The following SOAT1 variants were observed in gnomAD, a reference collection of about 807,000 sequenced individuals.
SOAT1 encodes the protein sterol O-acyltransferase 1, also known as acyl-coenzyme A:cholesterol acyltransferase 1.
Under a neutral mutation model 69.5 loss-of-function variants are expected in SOAT1, and 55 were observed. That is an observed-to-expected ratio of 0.79 (90% CI 0.64 to 0.99). The LOEUF is 0.99. Ranked by LOEUF, SOAT1 falls within the 50% of genes least tolerant of loss-of-function variation. The probability of loss-of-function intolerance (pLI) is 0.00; values close to 1 mark genes in which losing one functional copy is unlikely to be tolerated. For synonymous variants in SOAT1, 231 were observed against 224.7 expected, an observed-to-expected ratio of 1.03 and a Z score of -0.25; for missense variants, 580 against 669.3, an observed-to-expected ratio of 0.87 and a Z score of 1.47.
Position 179,353,214 on chromosome 1 carries a change from T to TATATAA in SOAT1, c.1597-366_1597-365insAATATA, listed in dbSNP as rs1309874954. On this transcript the variant is annotated intron_variant, in intron 15 of 15. Coordinates refer to ENST00000367619, the MANE Select transcript of SOAT1 (RefSeq NM_003101.6). ...TAAATGGTGGTTATATATAAATATA[T>TATATAA]ATATATATATCTATTTGTCGTCCTT... is the stretch of plus-strand genomic sequence containing the variant. 7.6e-3 allele frequency among the ~76,000 whole-genome samples: 899 copies of TATATAA among 118,134 alleles called. 139 individuals carry two copies. Among genetic ancestry groups the TATATAA allele is most frequent in the African/African-American group, 0.027 (861 of 31,436 alleles). The allele number at this position is 118,134 out of a possible 152,430, so 77.5% of individuals were successfully genotyped here.
At chr1:179,305,428 T>G (rs1253563036) in intron 2 of SOAT1, among the ~76,000 whole-genome samples, 1 of 148,572 alleles carries the variant, frequency 6.7e-6, no homozygotes, top group East Asian at 2.0e-4. Flanking sequence ...TTTTTTTTTG[T>G]GGCTGAATAA....
At chr1:179,306,165 A>G (rs1195298409) in intron 2 of SOAT1, among the ~76,000 whole-genome samples, 1 of 152,164 alleles carries the variant, frequency 6.6e-6, no homozygotes, top group African/African-American at 2.4e-5. Context: ...GTTGGTTTTC[A>G]TGGATAGGAG....
intron 1 of SOAT1, among the ~76,000 whole-genome samples, chr1:179,298,449 A>G (rs564255000): frequency 3.9e-5 from 6 of 152,090 alleles, no homozygotes; most frequent in African/African-American, 1.4e-4. Flanking sequence ...GAACCATCTT[A>G]TTACCAAGGA....
At chr1:179,316,336 GT>G (rs60012680) in intron 2 of SOAT1, among the ~76,000 whole-genome samples, 9 of 149,106 alleles carry the variant, frequency 6.0e-5, no homozygotes, top group South Asian at 4.2e-4. Flanking sequence ...GGTGCTTTTA[GT>G]TTTTTTTTTT....
In SOAT1 at chr1:179,341,028, G is replaced by A; in HGVS notation, c.498G>A (p.Arg166=). Residue 166 remains arginine, a splice_region_variant and synonymous_variant, in exon 7 of 16, where the codon AGG becomes AGA. Coordinates refer to ENST00000367619, the MANE Select transcript of SOAT1 (RefSeq NM_003101.6). ...CTTTTTCTGTACCTTTTCTCCCCAGGCTGGTGCTTGAGTTCAGCCTCCTGT... is the reference window on the plus strand; with the variant it reads ...CTTTTTCTGTACCTTTTCTCCCCAGACTGGTGCTTGAGTTCAGCCTCCTGT... ...TLVVDYIDEG[R]LVLEFSLLSY... 6.2e-7 allele frequency: 1 copy of A among 1,613,420 alleles called. No homozygotes were observed. Among genetic ancestry groups the A allele is most frequent in the South Asian group, 1.1e-5 (1 of 91,046 alleles).
At chr1:179,323,579 C>A in intron 3 of SOAT1, 84 bp downstream of exon 3, 3 of 1,095,012 alleles carry the variant, frequency 2.7e-6, no homozygotes, top group South Asian at 2.7e-5. Context: ...CTAAATTGCT[C>A]AGATAATTAT....
At position 179,315,469 on chromosome 1, in the gene SOAT1, T is replaced by TA. The variant is rs559321401; in HGVS notation, c.119-7956dup. On this transcript the variant is annotated intron_variant, in intron 2 of 15. Transcript: ENST00000367619. ...TGAGCAACAGAGTGAGAACCTGTCT[T>TA]AAAAAAAAAAAAGCAGTGGATATTA... Among the ~76,000 whole-genome samples, 513 of 143,058 alleles carry TA rather than the reference T, an allele frequency of 3.6e-3. 2 individuals carry two copies. Among genetic ancestry groups the TA allele is most frequent in the Middle Eastern group, 0.015 (4 of 268 alleles). The allele number at this position is 143,058 out of a possible 152,430, so 93.9% of individuals were successfully genotyped here.
chr1:179,319,716 A>C (rs1161714237), intron 2 of SOAT1, among the ~76,000 whole-genome samples: 1 of 152,104 alleles, frequency 6.6e-6, no homozygotes, highest in Admixed American at 6.5e-5. Flanking sequence ...TCATAGGTTC[A>C]AGCGATTCTC....
chr1:179,346,145 C>A (rs954650285), intron 11 of SOAT1, among the ~76,000 whole-genome samples: 5 of 152,092 alleles, frequency 3.3e-5, no homozygotes, highest in African/African-American at 9.7e-5. Flanking sequence ...CCCTCACCAG[C>A]CCCAGGACTT....
At position 179,343,278 on chromosome 1, in the gene SOAT1, G is replaced by A. The variant is rs182540168; in HGVS notation, c.942-312G>A. On this transcript the variant is annotated intron_variant, in intron 9 of 15. Transcript: ENST00000367619. ...GAGTCTTGCTCTGTCACCCAGGAGT[G>A]CAGTGGTGCTATGTCGGCTCCCTGC... Among the ~76,000 whole-genome samples, 429 of 152,070 alleles carry A rather than the reference G, an allele frequency of 2.8e-3. 1 individual carries two copies. The highest frequency in any genetic ancestry group is 5.2e-3 in the Non-Finnish European group (351 of 67,982).
In SOAT1 at chr1:179,349,004, G is replaced by A. The variant is rs894811823; in HGVS notation, c.1314+62G>A. On this transcript the variant is annotated intron_variant, in intron 13 of 15. Transcript: ENST00000367619. The stretch of plus-strand genomic sequence containing the variant: ...ATGGAGATTCTTTTTCAGAAAGTAT[G>A]AGTATTATACAGCTGGAAGAAGTTA... 10 of 906,974 alleles carry A rather than the reference G, an allele frequency of 1.1e-5. No individual in the cohort carries two copies. The African/African-American group carries it at 1.3e-4, about 12-fold the overall frequency. 56.2% of individuals were successfully genotyped at this position (906,974 alleles called of 1,614,324 possible). A position where few individuals can be genotyped will look rare whatever the true frequency, so the allele number is the denominator to read the frequency against.
chr1:179,333,340 A>G (rs1030642139), intron 3 of SOAT1, among the ~76,000 whole-genome samples: 3 of 152,078 alleles, frequency 2.0e-5, no homozygotes, highest in Non-Finnish European at 4.4e-5. Context: ...CTGGCCAATC[A>G]GACAGCCTCA....
intron 4 of SOAT1, among the ~76,000 whole-genome samples, chr1:179,335,981 A>T (rs941605116): frequency 6.6e-6 from 1 of 152,070 alleles, no homozygotes; most frequent in Admixed American, 6.6e-5. Context: ...CAACATGGTT[A>T]TTTAACCATT....
At chr1:179,317,641 GT>G (rs34050254) in intron 2 of SOAT1, among the ~76,000 whole-genome samples, 18,500 of 142,752 alleles carry the variant, frequency 0.13, 1,182 homozygotes, top group Middle Eastern at 0.19. Context: ...ATCATCATAG[GT>G]TTTTTTTTTT....
At chr1:179,352,090 TA>T (rs748345427) in intron 15 of SOAT1, among the ~76,000 whole-genome samples, 164 of 149,724 alleles carry the variant, frequency 1.1e-3, no homozygotes, top group Middle Eastern at 3.5e-3. Context: ...TTTTTTTTTT[TA>T]AACCTCTTTC....
intron 5 of SOAT1, among the ~76,000 whole-genome samples, chr1:179,338,745 A>G (rs933262823): frequency 1.3e-5 from 2 of 152,154 alleles, no homozygotes; most frequent in African/African-American, 4.8e-5. Flanking sequence ...AAACAAAATT[A>G]CATATTAAAA....
chr1:179,311,568 A>C (rs961509466), intron 2 of SOAT1, among the ~76,000 whole-genome samples: 5 of 144,070 alleles, frequency 3.5e-5, no homozygotes, highest in African/African-American at 1.3e-4. Flanking sequence ...GATCTTCAAA[A>C]GGACTGTTTT....
Position 179,354,620 on chromosome 1 carries a change from C to T in SOAT1, c.*979C>T, listed in dbSNP as rs1666849390. The T allele has an allele frequency of 6.6e-6, 1 of 152,120 alleles. No individual in the cohort carries two copies. Among genetic ancestry groups the T allele is most frequent in the Admixed American group, 6.5e-5 (1 of 15,276 alleles). The allele number at this position is 152,120 out of a possible 1,614,324, so 9.4% of individuals were successfully genotyped here. A position where few individuals can be genotyped will look rare whatever the true frequency, so the allele number is the denominator to read the frequency against. ...AGTCTGTACCATAAGTATTAATCAC[C>T]TCCACTCATATTAAAGTGATCATTA... On this transcript the variant is annotated 3_prime_UTR_variant, in exon 16 of 16. Coordinates refer to ENST00000367619, the MANE Select transcript of SOAT1 (RefSeq NM_003101.6).
intron 2 of SOAT1, among the ~76,000 whole-genome samples, chr1:179,321,877 T>C (rs1000066189): frequency 1.3e-5 from 2 of 152,150 alleles, no homozygotes; most frequent in Admixed American, 1.3e-4. Context: ...GTTTTCCTTC[T>C]TTTTTTCTTT....
Sources: gnomAD v4.1 joint callset for allele counts (sites outside exome capture counted in the v4.1 genomes callset) on GRCh38, gnomAD v4.1.1 for gene constraint, MANE v1.5 for transcripts, NCBI Gene and HGNC (gene_info 2026-07-23, HGNC 2026-07-21) for gene names.